PIEZO2: variants seen among roughly 807,000 people sequenced by gnomAD.
PIEZO2 encodes the protein piezo type mechanosensitive ion channel component 2, also known as piezo-type mechanosensitive ion channel component 2.
Under a neutral mutation model 337.3 loss-of-function variants are expected in PIEZO2, and 172 were observed. The observed-to-expected ratio is 0.51, with a 90% CI of 0.45 to 0.58. The LOEUF is 0.58. Ranked by LOEUF, PIEZO2 falls within the 20% of genes least tolerant of loss-of-function variation. The pLI is 0.00. For missense variants in PIEZO2, 3,028 were observed against 3,391.3 expected (o/e 0.89, Z 2.66); for synonymous variants, 1,251 against 1,228.5 (o/e 1.02, Z -0.38).
chr18:10,815,470 G>A lies in PIEZO2; in HGVS notation c.918-8196C>T, dbSNP rs895879930. 1.3e-5 allele frequency among the ~76,000 whole-genome samples: 2 copies of A among 152,272 alleles called. No individual in the cohort carries two copies. The highest frequency in any genetic ancestry group is 2.1e-4 in the South Asian group (1 of 4,808). On this transcript the variant is annotated intron_variant, in intron 7 of 55. Coordinates refer to ENST00000674853, the MANE Select transcript of PIEZO2 (RefSeq NM_001378183.1). The surrounding 1 kb of genome is among the most constrained non-coding windows in gnomAD (Gnocchi z 4.1). ...TGAAGACCAGAAATGATAGGCATAC[G>A]ACTTTTGAACTGCTTTTCATGACAC...
chr18:10,866,471 G>A (rs369003803), intron 5 of PIEZO2, among the ~76,000 whole-genome samples: 33 of 152,238 alleles, frequency 2.2e-4, no homozygotes, highest in African/African-American at 6.5e-4. Flanking sequence ...ATTTTTAGTA[G>A]AGACAGGGTT....
rs2145932233 is a variant in PIEZO2 at position 11,069,970 on chromosome 18, C to T, written c.65-3748G>A. 6.6e-6 allele frequency among the ~76,000 whole-genome samples: 1 copy of T among 152,212 alleles called. No homozygotes were observed. The highest frequency in any genetic ancestry group is 6.5e-5 in the Admixed American group (1 of 15,278). ...AAATCTAACCAAGGAGGTGAAAGAC[C>T]TATAAATGGAAGAATATAAAACATT... On this transcript the variant is annotated intron_variant, in intron 1 of 55. Coordinates refer to ENST00000674853, the MANE Select transcript of PIEZO2 (RefSeq NM_001378183.1). This position sits in a 1 kb window ranked among gnomAD's most constrained non-coding sequence, Gnocchi z 4.9.
intron 17 of PIEZO2, among the ~76,000 whole-genome samples, chr18:10,782,688 C>G (rs1290271656): frequency 6.6e-6 from 1 of 151,040 alleles, no homozygotes; most frequent in African/African-American, 2.4e-5. Context: ...GCAAGGAAGG[C>G]AAGTCAGGAC....
intron 23 of PIEZO2, among the ~76,000 whole-genome samples, chr18:10,762,066 C>T (rs1294583686): frequency 4.6e-5 from 7 of 152,096 alleles, no homozygotes; most frequent in African/African-American, 1.2e-4. Flanking sequence ...AGGCTATATC[C>T]GCTTCTCAGA....
intron 2 of PIEZO2, among the ~76,000 whole-genome samples, chr18:11,052,423 G>A (rs557086471): frequency 5.3e-5 from 8 of 152,294 alleles, no homozygotes; most frequent in East Asian, 3.9e-4. Context: ...GTTACTCCAC[G>A]TGTATTCGCC....
intron 49 of PIEZO2, among the ~76,000 whole-genome samples, chr18:10,684,454 T>C (rs1425804115): frequency 1.3e-4 from 13 of 103,912 alleles, no homozygotes; most frequent in South Asian, 4.0e-4. Context: ...CGTGAACCAC[T>C]GCGCCCGGCC....
chr18:10,680,268 T>C lies in PIEZO2; in HGVS notation c.7883A>G (p.Gln2628Arg), dbSNP rs1386371498. 1 of 1,614,114 alleles carries C rather than the reference T, an allele frequency of 6.2e-7. No individual in the cohort carries two copies. Among genetic ancestry groups the C allele is most frequent in the Non-Finnish European group, 8.5e-7 (1 of 1,179,946 alleles). ...GTCCAGGAGTTCGTGTATCATTTTC[T>C]GCTTACTGGGTGGGCTGATGGTCCA... ...SLWTISPPSK[Q>R]KMIHELLDPN... is the part of the protein sequence containing the mutation. Residue 2628 changes from glutamine to arginine, a missense_variant, in exon 52 of 56, where the codon CAG (glutamine) becomes CGG (arginine). Coordinates refer to ENST00000674853, the MANE Select transcript of PIEZO2 (RefSeq NM_001378183.1).
At chr18:10,737,684 A>C (rs1228885512) in intron 33 of PIEZO2, 5 of 152,242 alleles carry the variant, frequency 3.3e-5, no homozygotes, top group African/African-American at 9.6e-5. Context: ...AAATTTAATA[A>C]ATTAAATCTT....
Position 10,718,551 on chromosome 18 carries a change from T to G in PIEZO2, c.5030-292A>C, listed in dbSNP as rs898133371. On this transcript the variant is annotated intron_variant, in intron 36 of 55. Transcript: ENST00000674853. Reference sequence around the variant, plus strand: ...CTGTGAGTTCAGAATGGCTTTTATATTTCTAATAGTTGAAAAATCTAAAGG... The same window carrying G: ...CTGTGAGTTCAGAATGGCTTTTATAGTTCTAATAGTTGAAAAATCTAAAGG... 9.2e-5 allele frequency among the ~76,000 whole-genome samples: 14 copies of G among 152,340 alleles called. 1 individual carries two copies. Among genetic ancestry groups the G allele is most frequent in the Admixed American group, 7.8e-4 (12 of 15,306 alleles).
chr18:10,806,782 T>G (rs1426922870), intron 8 of PIEZO2, among the ~76,000 whole-genome samples: 1 of 152,206 alleles, frequency 6.6e-6, no homozygotes, highest in Non-Finnish European at 1.5e-5. Flanking sequence ...TAATACCTAT[T>G]CTATTGATCA....
chr18:11,135,644 T>G (rs935810637), intron 1 of PIEZO2, among the ~76,000 whole-genome samples: 3 of 151,920 alleles, frequency 2.0e-5, no homozygotes, highest in Non-Finnish European at 4.4e-5. Context: ...GCCTCCCGGG[T>G]TCAAGCAATA....
At chr18:10,911,959 T>A (rs1211141255) in intron 3 of PIEZO2, among the ~76,000 whole-genome samples, 9 of 152,276 alleles carry the variant, frequency 5.9e-5, no homozygotes, top group Admixed American at 5.2e-4. Flanking sequence ...AACTTGTAAT[T>A]TTGTGGAGCA....
intron 2 of PIEZO2, among the ~76,000 whole-genome samples, chr18:11,051,842 G>A (rs541964222): frequency 6.6e-6 from 1 of 152,298 alleles, no homozygotes; most frequent in African/African-American, 2.4e-5. Context: ...AAGAATTTAT[G>A]ACCTGGTGCA....
At chr18:11,059,973 C>T (rs147741025) in intron 2 of PIEZO2, among the ~76,000 whole-genome samples, 4,706 of 152,172 alleles carry the variant, frequency 0.031, 203 homozygotes, top group African/African-American at 0.098. Flanking sequence ...AGCACCACAC[C>T]GCACTTATTC....
Position 10,704,235 on chromosome 18 carries a change from G to A in PIEZO2, c.6258+159C>T, listed in dbSNP as rs568469423. On this transcript the variant is annotated intron_variant, in intron 42 of 55. Transcript: ENST00000674853. ...GTGCTAGGTAACTGTTGCTGCTGAC[G>A]ATTTGTGTATCTAAGAATGTCTGTG... The A allele has an allele frequency of 1.6e-4, 167 of 1,028,284 alleles. No homozygotes were observed. The African/African-American group carries it at 2.3e-3, about 14-fold the overall frequency. 63.7% of individuals were successfully genotyped at this position (1,028,284 alleles called of 1,614,324 possible).
chr18:10,831,297 G>A (rs1305554390), intron 7 of PIEZO2, among the ~76,000 whole-genome samples: 1 of 152,124 alleles, frequency 6.6e-6, no homozygotes, highest in Non-Finnish European at 1.5e-5. Flanking sequence ...ACAGATGAAT[G>A]GATAAAGAAA....
chr18:11,061,755 G>A (rs946774387), intron 2 of PIEZO2, among the ~76,000 whole-genome samples: 2 of 152,188 alleles, frequency 1.3e-5, no homozygotes, highest in Non-Finnish European at 2.9e-5. Flanking sequence ...TGAAATAAAA[G>A]AGGATACAAA....
At chr18:11,030,765 T>C (rs1307997611) in intron 2 of PIEZO2, among the ~76,000 whole-genome samples, 2 of 152,090 alleles carry the variant, frequency 1.3e-5, no homozygotes, top group African/African-American at 4.8e-5. Flanking sequence ...AACTCACTCA[T>C]TGAGACGGCA....
rs373511971 is a variant in PIEZO2, at chr18:10,726,097, G to C, written c.5029+5310C>G. ...GGAGGGCTGGGGGCAATGTCAGTTC[G>C]GGAGAGTTCGTGCACGTGTGTGGGT... is the stretch of plus-strand genomic sequence containing the variant. On this transcript the variant is annotated intron_variant, in intron 36 of 55. Transcript: ENST00000674853. This position sits in a 1 kb window ranked among gnomAD's most constrained non-coding sequence, Gnocchi z 5.9. Among the ~76,000 whole-genome samples, 51 of 152,232 alleles carry C rather than the reference G, an allele frequency of 3.4e-4. No homozygotes were observed. Among genetic ancestry groups the C allele is most frequent in the African/African-American group, 1.2e-3 (49 of 41,550 alleles).
Sources: gnomAD v4.1 joint callset for allele counts (sites outside exome capture counted in the v4.1 genomes callset) on GRCh38, gnomAD v4.1.1 for gene constraint, Gnocchi (gnomAD v3.1) non-coding constraint, MANE v1.5 for transcripts, NCBI Gene and HGNC (gene_info 2026-07-23, HGNC 2026-07-21) for gene names.